The following FBXL4 variants were observed in gnomAD, a reference collection of about 807,000 sequenced individuals.
The protein encoded by FBXL4 is F-box and leucine rich repeat protein 4.
A neutral mutation model predicts 58.9 loss-of-function variants in FBXL4; 40 were observed. That is an observed-to-expected ratio of 0.68 (90% confidence interval 0.53 to 0.88). The LOEUF is 0.88. FBXL4 is among the 40% of genes least tolerant of loss of function. FBXL4 has a pLI of 0.00. For missense variants in FBXL4, 676 were observed against 734.4 expected (o/e 0.92, Z 0.92); for synonymous variants, 263 against 265.5 (o/e 0.99, Z 0.09).
At chr6:98,932,605 G>A (rs1483579205) in intron 2 of FBXL4, among the ~76,000 whole-genome samples, 5 of 152,162 alleles carry the variant, frequency 3.3e-5, no homozygotes, top group South Asian at 2.1e-4. Flanking sequence ...AGGAGCTGCC[G>A]AGAAGTCGGC....
At chr6:98,908,947 T>A (rs1315579817) in intron 5 of FBXL4, among the ~76,000 whole-genome samples, 2 of 152,224 alleles carry the variant, frequency 1.3e-5, no homozygotes, top group East Asian at 3.9e-4. Context: ...TCAGGACTAA[T>A]ACTCCTCTAT....
At chr6:98,896,699 G>A in intron 7 of FBXL4, 1 of 777,730 alleles carries the variant, frequency 1.3e-6, no homozygotes, top group African/African-American at 1.9e-5. Flanking sequence ...TTTACCAGAT[G>A]AGCCAATAAA....
intron 6 of FBXL4, among the ~76,000 whole-genome samples, chr6:98,902,707 T>A (rs1042029425): frequency 6.6e-6 from 1 of 151,256 alleles, no homozygotes; most frequent in Non-Finnish European, 1.5e-5. Flanking sequence ...AGGGAAAAAA[T>A]GAACCTAAGG....
intron 5 of FBXL4, 67 bp from the exon 6 acceptor site, chr6:98,905,737 C>T: frequency 1.4e-6 from 2 of 1,481,164 alleles, no homozygotes; most frequent in East Asian, 2.3e-5. Context: ...AAACATATAA[C>T]ATAATCTAAT....
chr6:98,883,714 C>T (rs190805850), intron 7 of FBXL4, among the ~76,000 whole-genome samples: 4 of 151,772 alleles, frequency 2.6e-5, no homozygotes, highest in East Asian at 3.9e-4. Context: ...TTTCCATATA[C>T]GCATGAGTCT....
rs964855533 is a variant in FBXL4, at chr6:98,873,214, A to G, written c.*1064T>C. The stretch of plus-strand genomic sequence containing the variant: ...ATATATCTCTCTCTATATAATATAT[A>G]TAATTATATATATGTATATAATATA... On this transcript the variant is annotated 3_prime_UTR_variant, in exon 10 of 10. Coordinates refer to ENST00000369244, the MANE Select transcript of FBXL4 (RefSeq NM_001278716.2). The G allele has an allele frequency of 6.8e-6, 1 of 147,768 alleles. No individual in the cohort carries two copies. Among genetic ancestry groups the G allele is most frequent in the African/African-American group, 2.5e-5 (1 of 40,672 alleles). 9.2% of individuals were successfully genotyped at this position (147,768 alleles called of 1,614,324 possible).
intron 6 of FBXL4, among the ~76,000 whole-genome samples, chr6:98,902,578 G>A (rs1771654976): frequency 6.6e-6 from 1 of 152,024 alleles, no homozygotes; most frequent in Non-Finnish European, 1.5e-5. Context: ...ATCCAAGAAT[G>A]TTTCCTAAAG....
intron 7 of FBXL4, among the ~76,000 whole-genome samples, chr6:98,895,736 T>TGGGAC: frequency 6.6e-6 from 1 of 152,174 alleles, no homozygotes; most frequent in Non-Finnish European, 1.5e-5. Context: ...CAGTAGCTTT[T>TGGGAC]TCCCAAACTT....
intron 6 of FBXL4, among the ~76,000 whole-genome samples, chr6:98,900,319 C>A (rs1446633654): frequency 6.6e-6 from 1 of 152,188 alleles, no homozygotes; most frequent in African/African-American, 2.4e-5. Flanking sequence ...GGTCTCTTGA[C>A]ATAAATCTTC....
At chr6:98,923,967 T>A (rs1200531713) in intron 4 of FBXL4, among the ~76,000 whole-genome samples, 1 of 152,180 alleles carries the variant, frequency 6.6e-6, no homozygotes, top group East Asian at 1.9e-4. Context: ...TCACCTTTTT[T>A]TCTCTTAAAA....
chr6:98,928,100 A>G (rs1168709486), intron 2 of FBXL4, among the ~76,000 whole-genome samples: 3 of 152,134 alleles, frequency 2.0e-5, no homozygotes, highest in Admixed American at 1.3e-4. Flanking sequence ...TGTTTTTTAA[A>G]AATTTGATCT....
Position 98,873,569 on chromosome 6 carries a change from T to C in FBXL4, c.*709A>G, listed in dbSNP as rs1327159255. On this transcript the variant is annotated 3_prime_UTR_variant, in exon 10 of 10. Transcript: ENST00000369244. ...ATAGACAAAAATATCAGAAGAAAAGTGGAAACACTACAATTTTTTTTAAGA... is the reference window on the plus strand; with the variant it reads ...ATAGACAAAAATATCAGAAGAAAAGCGGAAACACTACAATTTTTTTTAAGA... The C allele has an allele frequency of 6.6e-6, 1 of 151,964 alleles. No homozygotes were observed. Among genetic ancestry groups the C allele is most frequent in the African/African-American group, 2.4e-5 (1 of 41,380 alleles). The allele number at this position is 151,964 out of a possible 1,614,324, so 9.4% of individuals were successfully genotyped here.
intron 1 of FBXL4, among the ~76,000 whole-genome samples, chr6:98,936,686 T>C (rs970538166): frequency 5.9e-5 from 9 of 152,196 alleles, no homozygotes; most frequent in Non-Finnish European, 1.2e-4. Context: ...ACATATAACA[T>C]ATAAAACATA....
chr6:98,937,447 T>TAGAG (rs1209343851), intron 1 of FBXL4, among the ~76,000 whole-genome samples: 1 of 152,168 alleles, frequency 6.6e-6, no homozygotes, highest in African/African-American at 2.4e-5. Context: ...TAAAGTAAGC[T>TAGAG]AGAGAAAAGT....
intron 7 of FBXL4, among the ~76,000 whole-genome samples, chr6:98,883,441 C>G (rs976768741): frequency 2.0e-5 from 3 of 151,868 alleles, no homozygotes; most frequent in Admixed American, 6.6e-5. Flanking sequence ...TTAAATGTGC[C>G]ATTAATCCTT....
At chr6:98,929,115 T>G (rs536688297) in intron 2 of FBXL4, among the ~76,000 whole-genome samples, 1 of 152,288 alleles carries the variant, frequency 6.6e-6, no homozygotes, top group East Asian at 1.9e-4. Flanking sequence ...AATTAAAAAT[T>G]ATAAAAATCT....
At chr6:98,875,219 A>G in intron 9 of FBXL4, 196 bp downstream of exon 9, 1 of 603,472 alleles carries the variant, frequency 1.7e-6, no homozygotes, top group Non-Finnish European at 2.9e-6. Flanking sequence ...TGTCCTCACT[A>G]TTTTATTAAA....
At chr6:98,927,161 G>A (rs551339810) in intron 3 of FBXL4, 101 bp from the exon 4 acceptor site, 16 of 551,800 alleles carry the variant, frequency 2.9e-5, no homozygotes, top group Middle Eastern at 4.8e-4. Context: ...TAATTTCTCA[G>A]AATGAAACTA....
At chr6:98,883,662 A>G (rs1180506387) in intron 7 of FBXL4, among the ~76,000 whole-genome samples, 2 of 151,994 alleles carry the variant, frequency 1.3e-5, no homozygotes, top group African/African-American at 4.8e-5. Context: ...TGAAGACTTC[A>G]TTGTATCCAC....
Sources: gnomAD v4.1 joint callset for allele counts (sites outside exome capture counted in the v4.1 genomes callset) on GRCh38, gnomAD v4.1.1 for gene constraint, MANE v1.5 for transcripts, NCBI Gene and HGNC (gene_info 2026-07-23, HGNC 2026-07-21) for gene names.